The following GBP6 variants were observed in gnomAD, a reference collection of about 807,000 sequenced individuals.
GBP6 encodes guanylate binding protein family member 6, also known as guanylate-binding protein 6.
In GBP6, 54 loss-of-function variants were observed where a neutral mutation model predicts 61.5. That is an observed-to-expected ratio of 0.88 (90% CI 0.71 to 1.10). GBP6 has a LOEUF of 1.10. Among genes scored for constraint, GBP6 ranks in the 50% least tolerant of loss-of-function variants. The pLI is 0.00. For synonymous variants in GBP6, 255 were observed against 273.7 expected, an observed-to-expected ratio of 0.93 and a Z score of 0.67; for missense variants, 748 against 752.8, an observed-to-expected ratio of 0.99 and a Z score of 0.07.
intron 10 of GBP6, 79 bp from the exon 11 acceptor site, chr1:89,385,151 C>T: frequency 7.7e-7 from 1 of 1,306,162 alleles, no homozygotes; most frequent in Non-Finnish European, 1.0e-6. Flanking sequence ...AAGTTTCACA[C>T]AGGTTTTAAA....
chr1:89,364,877 C>T (rs900299941), intron 1 of GBP6, among the ~76,000 whole-genome samples: 1 of 151,392 alleles, frequency 6.6e-6, no homozygotes, highest in Admixed American at 6.6e-5. Context: ...GTTTGCTGCA[C>T]CTATCAATCC....
intron 6 of GBP6, among the ~76,000 whole-genome samples, chr1:89,381,014 G>A (rs893355310): frequency 6.6e-6 from 1 of 152,048 alleles, no homozygotes; most frequent in Admixed American, 6.6e-5. Flanking sequence ...GCTGAGGGTG[G>A]TGGTTCACAC....
intron 6 of GBP6, among the ~76,000 whole-genome samples, chr1:89,381,363 G>C (rs533617184): frequency 6.6e-6 from 1 of 151,356 alleles, no homozygotes; most frequent in Admixed American, 6.6e-5. Context: ...GAATAAATGT[G>C]ATATGATTTA....
chr1:89,369,064 A>C (rs1246346351), intron 2 of GBP6, among the ~76,000 whole-genome samples: 1 of 152,234 alleles, frequency 6.6e-6, no homozygotes, highest in Non-Finnish European at 1.5e-5. Flanking sequence ...CCATCAACAT[A>C]CAAAGATGTT....
chr1:89,367,123 A>G (rs1181396747), intron 1 of GBP6, among the ~76,000 whole-genome samples: 2 of 152,196 alleles, frequency 1.3e-5, no homozygotes, highest in African/African-American at 2.4e-5. Flanking sequence ...ACATTGATGT[A>G]CAAATATCTG....
intron 3 of GBP6, among the ~76,000 whole-genome samples, chr1:89,371,430 C>T (rs549778528): frequency 1.3e-5 from 2 of 152,228 alleles, no homozygotes; most frequent in South Asian, 4.1e-4. Context: ...TACTGGCAAA[C>T]CGAATCCAGC....
intron 3 of GBP6, among the ~76,000 whole-genome samples, chr1:89,371,920 A>C (rs543709634): frequency 1.2e-4 from 18 of 152,206 alleles, no homozygotes; most frequent in Admixed American, 1.2e-3. Flanking sequence ...AAACCACATC[A>C]TCTCAGCCCA....
rs1387243676 is a variant in GBP6 at position 89,370,375 on chromosome 1, AG to A, written c.318+704del. On this transcript the variant is annotated intron_variant, in intron 3 of 10. Transcript: ENST00000370456. Reference sequence around the variant, plus strand: ...AAGAGTACATTTGAGGGTTGGAATTAGGAGAGTTCAGTTTATATTTCTCATG... The same window carrying A: ...AAGAGTACATTTGAGGGTTGGAATTAGAGAGTTCAGTTTATATTTCTCATG... Among the ~76,000 whole-genome samples the A allele has an allele frequency of 2.6e-5, 4 of 152,324 alleles. No homozygotes were observed. In the East Asian group the frequency reaches 7.7e-4, roughly 29 times the overall value.
At chr1:89,382,226 C>A (rs1652999425) in intron 7 of GBP6, among the ~76,000 whole-genome samples, 1 of 152,198 alleles carries the variant, frequency 6.6e-6, no homozygotes, top group Non-Finnish European at 1.5e-5. Context: ...CTGCTCTGAA[C>A]ACGCACAAGT....
At chr1:89,369,771 T>C (rs1652572620) in intron 3 of GBP6, 98 bp downstream of exon 3, 3 of 1,434,712 alleles carry the variant, frequency 2.1e-6, no homozygotes, top group Middle Eastern at 1.8e-4. Context: ...AATCCAACTA[T>C]AGCAAATAAG....
rs770582057 is a variant in GBP6 at position 89,380,506 on chromosome 1, T to C, written c.746T>C (p.Ile249Thr). ...AATGACAAAGACCTTCTAGCCAATATTGAGAAGGTGTCAGAAAAGCAACTG... is the reference window on the plus strand; with the variant it reads ...AATGACAAAGACCTTCTAGCCAATACTGAGAAGGTGTCAGAAAAGCAACTG... ...PTNDKDLLAN[I>T]EKVSEKQLDP... Residue 249 changes from isoleucine (I) to threonine (T), a missense_variant, in exon 6 of 11, where the codon ATT (isoleucine) becomes ACT (threonine). Coordinates refer to ENST00000370456, the MANE Select transcript of GBP6 (RefSeq NM_198460.3). 1 of 1,614,122 alleles carries C rather than the reference T, an allele frequency of 6.2e-7. No homozygotes were observed. The highest frequency in any genetic ancestry group is 8.5e-7 in the Non-Finnish European group (1 of 1,180,008).
Position 89,384,295 on chromosome 1 carries a change from G to T in GBP6, c.1662+9G>T, listed in dbSNP as rs1316342248. Reference sequence around the variant, plus strand: ...TGGAGCACACGCAGAAGGTAAGTCTGCCCTTGGCCTCAGCAGGCCAGACGG... The same window carrying T: ...TGGAGCACACGCAGAAGGTAAGTCTTCCCTTGGCCTCAGCAGGCCAGACGG... On this transcript the variant is annotated intron_variant, in intron 10 of 10. Coordinates refer to ENST00000370456, the MANE Select transcript of GBP6 (RefSeq NM_198460.3). 1 of 1,601,918 alleles carries T rather than the reference G, an allele frequency of 6.2e-7. No homozygotes were observed. The highest frequency in any genetic ancestry group is 1.3e-5 in the African/African-American group (1 of 74,688).
chr1:89,380,684 T>A, intron 6 of GBP6, 53 bp downstream of exon 6: 1 of 1,540,132 alleles, frequency 6.5e-7, no homozygotes, highest in South Asian at 1.2e-5. Context: ...GAATATATTG[T>A]ATAATGTGTT....
In GBP6 at chr1:89,380,429, C is replaced by T. The variant is rs551421948; in HGVS notation, c.669C>T (p.Cys223=). Reference sequence around the variant, plus strand: ...AAACATCCAATTTTCCCAGGGAGTGCATCAGGCGTTTCTTTCCAAAACGGA... The same window carrying T: ...AAACATCCAATTTTCCCAGGGAGTGTATCAGGCGTTTCTTTCCAAAACGGA... ...RVQTSNFPRE[C]IRRFFPKRKC... Residue 223 remains cysteine (C), a synonymous_variant, in exon 6 of 11, where the codon TGC becomes TGT. Transcript: ENST00000370456. 5.6e-6 allele frequency: 9 copies of T among 1,613,686 alleles called. No individual in the cohort carries two copies. In the African/African-American group the frequency reaches 9.3e-5, roughly 17 times the overall value.
At chr1:89,375,897 C>T (rs538842393) in intron 3 of GBP6, among the ~76,000 whole-genome samples, 2 of 151,270 alleles carry the variant, frequency 1.3e-5, no homozygotes, top group Non-Finnish European at 3.0e-5. Flanking sequence ...TCTTTTTTTT[C>T]CCCTTCTATC....
chr1:89,369,973 G>A (rs1652578360), intron 3 of GBP6, among the ~76,000 whole-genome samples: 1 of 152,220 alleles, frequency 6.6e-6, no homozygotes, highest in Non-Finnish European at 1.5e-5. Context: ...TAAAGGTCCT[G>A]CCCACAAAGA....
intron 5 of GBP6, among the ~76,000 whole-genome samples, chr1:89,379,208 A>T (rs1303306277): frequency 6.6e-6 from 1 of 152,096 alleles, no homozygotes; most frequent in Non-Finnish European, 1.5e-5. Context: ...TGAGAAAGGG[A>T]ACAACAGAGG....
At chr1:89,368,049 G>T (rs562968092) in intron 1 of GBP6, among the ~76,000 whole-genome samples, 1 of 152,262 alleles carries the variant, frequency 6.6e-6, no homozygotes, top group South Asian at 2.1e-4. Flanking sequence ...AAGTTGTTTT[G>T]TGATGTCTCC....
intron 3 of GBP6, among the ~76,000 whole-genome samples, chr1:89,375,813 C>G (rs527323333): frequency 6.6e-6 from 1 of 152,252 alleles, no homozygotes; most frequent in Admixed American, 6.5e-5. Flanking sequence ...GGTGTCATAT[C>G]CAAAAACATC....
Sources: allele counts gnomAD v4.1 joint callset (sites outside exome capture counted in the v4.1 genomes callset), GRCh38; gene constraint gnomAD v4.1.1; transcripts MANE v1.5; gene names NCBI Gene and HGNC (gene_info 2026-07-23, HGNC 2026-07-21).